Variants in CABP5 observed in about 807,000 individuals in gnomAD.
CABP5 encodes calcium-binding protein 5.
In CABP5, 17 loss-of-function variants were observed where a neutral mutation model predicts 21.9. The observed-to-expected ratio is 0.78, with a 90% CI of 0.53 to 1.17. CABP5 has a LOEUF of 1.17. Ranked by LOEUF, CABP5 falls within the 50% of genes most tolerant of loss-of-function variation. The pLI is 0.00. For synonymous variants in CABP5, 85 were observed against 79.4 expected (o/e 1.07, Z -0.37); for missense variants, 229 against 228.9 (o/e 1.00, Z 0.00).
chr19:48,033,471 T>C (rs1158476170), intron 5 of CABP5, among the ~76,000 whole-genome samples: 2 of 152,058 alleles, frequency 1.3e-5, no homozygotes, highest in African/African-American at 4.8e-5. Context: ...CAGAAGGAAA[T>C]AGGCAATAAA....
At chr19:48,037,417 T>G (rs1967425208) in intron 4 of CABP5, among the ~76,000 whole-genome samples, 1 of 151,078 alleles carries the variant, frequency 6.6e-6, no homozygotes, top group African/African-American at 2.4e-5. Flanking sequence ...TACACGCATG[T>G]ACCACCACGC....
chr19:48,037,645 T>G (rs1171987766), intron 4 of CABP5, among the ~76,000 whole-genome samples: 1 of 152,126 alleles, frequency 6.6e-6, no homozygotes, highest in African/African-American at 2.4e-5. Flanking sequence ...TCTCTTTTAT[T>G]TGACACAATA....
chr19:48,041,214 T>G, intron 2 of CABP5: 4 of 291,306 alleles, frequency 1.4e-5, no homozygotes, highest in Non-Finnish European at 1.9e-5. Flanking sequence ...CAAAAAGGAG[T>G]GATGTATGAA....
intron 1 of CABP5, 50 bp downstream of exon 1, chr19:48,043,810 C>T (rs766774541): frequency 2.1e-6 from 3 of 1,431,576 alleles, no homozygotes; most frequent in South Asian, 1.5e-5. Context: ...TCCCACACCC[C>T]TGCTCCCTTT....
In CABP5 at chr19:48,040,600, C is replaced by T; in HGVS notation, c.238+5G>A. On this transcript the variant is annotated splice_donor_5th_base_variant and intron_variant, in intron 3 of 5. Coordinates refer to ENST00000293255, the MANE Select transcript of CABP5 (RefSeq NM_019855.5). ...CCGGCCATCCCTCCCATTCCCTGGA[C>T]TCACGGTTCATGCGGATTTGCTGGC... The T allele has an allele frequency of 6.2e-7, 1 of 1,613,854 alleles. No individual in the cohort carries two copies. The highest frequency in any genetic ancestry group is 8.5e-7 in the Non-Finnish European group (1 of 1,179,812).
At chr19:48,036,664 C>T (rs1187249823) in intron 4 of CABP5, among the ~76,000 whole-genome samples, 6 of 152,100 alleles carry the variant, frequency 3.9e-5, no homozygotes, top group African/African-American at 1.4e-4. Flanking sequence ...ATCACAATTA[C>T]TTTTGCATCA....
chr19:48,036,161 CT>C (rs1395660918), intron 4 of CABP5, among the ~76,000 whole-genome samples: 1 of 152,038 alleles, frequency 6.6e-6, no homozygotes, highest in East Asian at 1.9e-4. Flanking sequence ...CAGGGCAGAG[CT>C]TTGGAGGCAG....
rs1967326513 is a variant in CABP5, at chr19:48,030,498, C to G, written c.*59G>C. 10 of 1,567,862 alleles carry G rather than the reference C, an allele frequency of 6.4e-6. No individual in the cohort carries two copies. The highest frequency in any genetic ancestry group is 8.7e-6 in the Non-Finnish European group (10 of 1,154,876). Reference sequence around the variant, plus strand: ...TCTGGGGCTTTTGGGCTTTGGTTCTCCACAAGCGCTTGCTCCATGTTGACC... The same window carrying G: ...TCTGGGGCTTTTGGGCTTTGGTTCTGCACAAGCGCTTGCTCCATGTTGACC... On this transcript the variant is annotated 3_prime_UTR_variant, in exon 6 of 6. Transcript: ENST00000293255.
rs2122356449 is a variant in CABP5, at chr19:48,030,181, A to G, written c.*376T>C. The G allele has an allele frequency of 4.6e-6, 1 of 215,188 alleles. No homozygotes were observed. 13.3% of individuals were successfully genotyped at this position (215,188 alleles called of 1,614,324 possible). A position where few individuals can be genotyped will look rare whatever the true frequency, so the allele number is the denominator to read the frequency against. ...TACGTTCTGAACCTTTTGATACCCAACAGGAGAAGAGACTATTTTCACCCA... is the reference window on the plus strand; with the variant it reads ...TACGTTCTGAACCTTTTGATACCCAGCAGGAGAAGAGACTATTTTCACCCA... On this transcript the variant is annotated 3_prime_UTR_variant, in exon 6 of 6. Coordinates refer to ENST00000293255, the MANE Select transcript of CABP5 (RefSeq NM_019855.5).
At chr19:48,030,700 T>A in intron 5 of CABP5, 118 bp from the exon 6 acceptor site, 1 of 908,780 alleles carries the variant, frequency 1.1e-6, no homozygotes, top group South Asian at 1.5e-5. Context: ...AATTACTTAA[T>A]CCCTCTATGC....
Position 48,029,798 on chromosome 19 carries a change from C to CAGAGAGAGAGAGAGAGAGAG in CABP5, c.*739_*758dup, listed in dbSNP as rs72005770. On this transcript the variant is annotated 3_prime_UTR_variant, in exon 6 of 6. Transcript: ENST00000293255. ...GGGAGGGGAGACAGAGACAGACAGA[C>CAGAGAGAGAGAGAGAGAGAG]AGAGAGAGAGAGAGAGAGAGAGAGA... Among the ~76,000 whole-genome samples the CAGAGAGAGAGAGAGAGAGAG allele has an allele frequency of 9.4e-3, 1,135 of 120,148 alleles. 25 individuals are homozygous for CAGAGAGAGAGAGAGAGAGAG. Among genetic ancestry groups the CAGAGAGAGAGAGAGAGAGAG allele is most frequent in the Non-Finnish European group, 0.014 (792 of 57,928 alleles). The allele number at this position is 120,148 out of a possible 152,430, so 78.8% of individuals were successfully genotyped here.
intron 3 of CABP5, 46 bp from the exon 4 acceptor site, chr19:48,039,363 C>A (rs1392441854): frequency 1.4e-6 from 2 of 1,404,742 alleles, no homozygotes; most frequent in Admixed American, 1.7e-5. Flanking sequence ...AAGCCCTGGC[C>A]TTCCATTACC....
chr19:48,032,172 G>A (rs563619285), intron 5 of CABP5, among the ~76,000 whole-genome samples: 6 of 152,032 alleles, frequency 3.9e-5, no homozygotes, highest in Admixed American at 6.6e-5. Context: ...GTAAGTGGAC[G>A]GAGCATCTGA....
At position 48,034,336 on chromosome 19, in the gene CABP5, G is replaced by A. The variant is rs747128801; in HGVS notation, c.375C>T (p.Ile125=). ...TGGCCTGCTGTAGCTCCACCAGGGTGATCTCCCCATCTCCATTCGTGTCAA... is the reference window on the plus strand; with the variant it reads ...TGGCCTGCTGTAGCTCCACCAGGGTAATCTCCCCATCTCCATTCGTGTCAA... ...KEFDTNGDGE[I]TLVELQQAMQ... Residue 125 remains isoleucine, a synonymous_variant, in exon 5 of 6, where the codon ATC becomes ATT. Transcript: ENST00000293255. The A allele has an allele frequency of 6.3e-7, 1 of 1,594,206 alleles. No individual in the cohort carries two copies. Among genetic ancestry groups the A allele is most frequent in the South Asian group, 1.1e-5 (1 of 88,306 alleles).
chr19:48,041,260 C>T, intron 2 of CABP5: 1 of 432,928 alleles, frequency 2.3e-6, no homozygotes, highest in Non-Finnish European at 4.1e-6. Context: ...CCTGAGACCA[C>T]TAAATGAGAG....
At position 48,043,995 on chromosome 19, in the gene CABP5, A is replaced by G; in HGVS notation, c.-73T>C. Reference sequence around the variant, plus strand: ...TCCTCCCTGCTCCCTGTCGGAGCTCAGCCTCCTTATCTTCTCCAGCACTCC... The same window carrying G: ...TCCTCCCTGCTCCCTGTCGGAGCTCGGCCTCCTTATCTTCTCCAGCACTCC... On this transcript the variant is annotated 5_prime_UTR_variant, in exon 1 of 6. Transcript: ENST00000293255. 7.5e-7 allele frequency: 1 copy of G among 1,324,800 alleles called. No individual in the cohort carries two copies. The highest frequency in any genetic ancestry group is 1.0e-6 in the Non-Finnish European group (1 of 975,918). The allele number at this position is 1,324,800 out of a possible 1,614,324, so 82.1% of individuals were successfully genotyped here.
At chr19:48,034,152 T>A in intron 5 of CABP5, 63 bp downstream of exon 5, 1 of 1,432,534 alleles carries the variant, frequency 7.0e-7, no homozygotes, top group African/African-American at 1.5e-5. Context: ...AATCTGACAG[T>A]GAGTTGGAAG....
chr19:48,031,645 G>A (rs975587883), intron 5 of CABP5, among the ~76,000 whole-genome samples: 11 of 152,154 alleles, frequency 7.2e-5, no homozygotes, highest in East Asian at 1.9e-4. Context: ...TTACGCCAGC[G>A]AGGGTCACCA....
At chr19:48,031,814 C>A (rs556850284) in intron 5 of CABP5, among the ~76,000 whole-genome samples, 1 of 150,310 alleles carries the variant, frequency 6.7e-6, no homozygotes, top group Non-Finnish European at 1.5e-5. Flanking sequence ...TCATCTCCCA[C>A]CCCCACCCCA....
Sources: gnomAD v4.1 joint callset for allele counts (sites outside exome capture counted in the v4.1 genomes callset) on GRCh38, gnomAD v4.1.1 for gene constraint, MANE v1.5 for transcripts, NCBI Gene and HGNC (gene_info 2026-07-23, HGNC 2026-07-21) for gene names.